The following INO80D variants were observed in gnomAD, a reference collection of about 807,000 sequenced individuals.
INO80D encodes INO80 complex subunit D.
Under a neutral mutation model 87.6 loss-of-function variants are expected in INO80D, and 21 were observed. That is an observed-to-expected ratio of 0.24 (90% CI 0.17 to 0.35). The LOEUF (loss-of-function observed/expected upper bound fraction) is 0.35. Among genes scored for constraint, INO80D ranks in the 10% least tolerant of loss-of-function variants. The pLI is 1.00. For synonymous variants in INO80D, 440 were observed against 491.0 expected, an observed-to-expected ratio of 0.90 and a Z score of 1.37; for missense variants, 982 against 1,280.7, an observed-to-expected ratio of 0.77 and a Z score of 3.56.
At chr2:206,048,756 G>C (rs1689265769) in intron 4 of INO80D, among the ~76,000 whole-genome samples, 2 of 152,090 alleles carry the variant, frequency 1.3e-5, no homozygotes. Context: ...TAGCCAGGCT[G>C]AGTGGTGCAT....
chr2:206,067,038 A>T (rs965621862), intron 1 of INO80D, among the ~76,000 whole-genome samples: 10 of 152,102 alleles, frequency 6.6e-5, no homozygotes, highest in African/African-American at 2.4e-4. Context: ...ATTTGAGCTT[A>T]GGAATTCGAG....
chr2:206,015,906 G>T (rs1026749253), intron 8 of INO80D, among the ~76,000 whole-genome samples: 3 of 152,008 alleles, frequency 2.0e-5, no homozygotes, highest in African/African-American at 7.2e-5. Flanking sequence ...AAAATGTATA[G>T]AAATGCCTGG....
At chr2:206,064,604 T>C (rs1434740279) in intron 1 of INO80D, among the ~76,000 whole-genome samples, 1 of 152,198 alleles carries the variant, frequency 6.6e-6, no homozygotes, top group Non-Finnish European at 1.5e-5. Context: ...ACAGGGATAA[T>C]AATAGTAGCT....
intron 1 of INO80D, among the ~76,000 whole-genome samples, chr2:206,073,971 A>G (rs896184337): frequency 6.6e-6 from 1 of 152,026 alleles, no homozygotes; most frequent in Non-Finnish European, 1.5e-5. Context: ...AGCCTACCAA[A>G]CTGCTGGGAT....
intron 4 of INO80D, 24 bp from the exon 5 acceptor site, chr2:206,046,636 A>G (rs756610997): frequency 8.9e-6 from 13 of 1,460,798 alleles, no homozygotes; most frequent in Non-Finnish European, 1.2e-5. Context: ...GAGATATTGC[A>G]AATTAGAAAA....
chr2:206,042,151 T>C (rs1184941920), intron 5 of INO80D, among the ~76,000 whole-genome samples: 1 of 151,904 alleles, frequency 6.6e-6, no homozygotes, highest in Non-Finnish European at 1.5e-5. Context: ...TATTTTTAAC[T>C]GAATAAAAAT....
Position 206,009,633 on chromosome 2 carries a change from T to C in INO80D, c.1704A>G (p.Gln568=). 1.9e-6 allele frequency: 3 copies of C among 1,613,950 alleles called. No individual in the cohort carries two copies. The highest frequency in any genetic ancestry group is 1.3e-5 in the African/African-American group (1 of 75,054). The part of the protein sequence containing the change: ...PQKPIPPAVP[Q]GNLSMPASVS... ...CGCTGGCGGGCATGCTGAGGTTCCC[T>C]TGGGGGACTGCAGGTGGAATGGGTT... The change falls in exon 9 of 11, where the codon CAA becomes CAG. Residue 568 remains glutamine (Q), a synonymous_variant. Coordinates refer to ENST00000403263, the MANE Select transcript of INO80D (RefSeq NM_017759.5).
chr2:206,079,936 T>A (rs1047382827), intron 1 of INO80D, among the ~76,000 whole-genome samples: 1 of 152,178 alleles, frequency 6.6e-6, no homozygotes, highest in Admixed American at 6.5e-5. Context: ...TCACACCTTA[T>A]GGAATGCCGA....
chr2:206,040,112 G>A (rs1331032597), intron 5 of INO80D, among the ~76,000 whole-genome samples: 1 of 151,430 alleles, frequency 6.6e-6, no homozygotes, highest in Non-Finnish European at 1.5e-5. Context: ...GGCCAACATG[G>A]TAAAACCTCA....
chr2:206,020,798 T>C (rs1207198030), intron 6 of INO80D, among the ~76,000 whole-genome samples: 2 of 152,148 alleles, frequency 1.3e-5, no homozygotes, highest in Admixed American at 6.5e-5. Context: ...TTCATTTTAT[T>C]AGTCTGCAGA....
chr2:206,068,340 T>C (rs569731653), intron 1 of INO80D, among the ~76,000 whole-genome samples: 133 of 152,274 alleles, frequency 8.7e-4, no homozygotes, highest in Non-Finnish European at 1.6e-3. Context: ...ATTCAAGAGA[T>C]CCTCCCGCTT....
chr2:206,006,538 C>T (rs951047856), intron 10 of INO80D, among the ~76,000 whole-genome samples: 1 of 151,880 alleles, frequency 6.6e-6, no homozygotes. Flanking sequence ...GAAAAATTAG[C>T]TGGGCATGGT....
At chr2:206,060,162 G>T (rs1225849468) in intron 3 of INO80D, among the ~76,000 whole-genome samples, 1 of 152,050 alleles carries the variant, frequency 6.6e-6, no homozygotes, top group Non-Finnish European at 1.5e-5. Context: ...CTACGATCAT[G>T]CCACTGCACT....
chr2:206,022,798 C>T lies in INO80D; in HGVS notation c.1299-2953G>A, dbSNP rs185129279. Reference sequence around the variant, plus strand: ...GTGCAATCTCAGCTCACTGCAAGTTCTGCCTCCCGGGTTCAAGCAATTCTC... The same window carrying T: ...GTGCAATCTCAGCTCACTGCAAGTTTTGCCTCCCGGGTTCAAGCAATTCTC... On this transcript the variant is annotated intron_variant, in intron 6 of 10. Transcript: ENST00000403263. Among the ~76,000 whole-genome samples, 591 of 152,298 alleles carry T rather than the reference C, an allele frequency of 3.9e-3. 3 individuals are homozygous for T. Among genetic ancestry groups the T allele is most frequent in the Non-Finnish European group, 6.6e-3 (451 of 68,032 alleles).
intron 3 of INO80D, among the ~76,000 whole-genome samples, chr2:206,060,518 G>A (rs1483771181): frequency 3.5e-5 from 5 of 144,760 alleles, no homozygotes; most frequent in African/African-American, 1.3e-4. Context: ...GGCAACAGTT[G>A]AGCGAGACTC....
chr2:206,028,075 A>G, intron 6 of INO80D, 36 bp downstream of exon 6: 1 of 1,395,076 alleles, frequency 7.2e-7, no homozygotes, highest in African/African-American at 1.4e-5. Flanking sequence ...GCAAACTGAG[A>G]TGAGTCCCTT....
intron 8 of INO80D, among the ~76,000 whole-genome samples, chr2:206,010,094 C>A (rs571697304): frequency 2.6e-5 from 4 of 152,264 alleles, no homozygotes; most frequent in South Asian, 2.1e-4. Context: ...CACGCACACA[C>A]ACGGTTCCAG....
At chr2:206,033,213 A>G (rs951654166) in intron 5 of INO80D, among the ~76,000 whole-genome samples, 2 of 152,216 alleles carry the variant, frequency 1.3e-5, no homozygotes, top group Non-Finnish European at 1.5e-5. Context: ...CTTTAAAGTA[A>G]CAGCAGTTAA....
At chr2:206,030,268 G>A (rs760481145) in intron 5 of INO80D, among the ~76,000 whole-genome samples, 1 of 152,164 alleles carries the variant, frequency 6.6e-6, no homozygotes, top group African/African-American at 2.4e-5. Context: ...GAGGTCAAGA[G>A]TTTGACCAAC....
Sources: allele counts gnomAD v4.1 joint callset (sites outside exome capture counted in the v4.1 genomes callset), GRCh38; gene constraint gnomAD v4.1.1; transcripts MANE v1.5; gene names NCBI Gene and HGNC (gene_info 2026-07-23, HGNC 2026-07-21).